KATNAL1: variants seen among roughly 807,000 people sequenced by gnomAD.
The protein encoded by KATNAL1 is katanin catalytic subunit A1 like 1.
KATNAL1 carries 32 observed loss-of-function variants against 55.2 expected under a neutral mutation model. The ratio of observed to expected loss-of-function variants is 0.58; its 90% CI spans 0.44 to 0.78. KATNAL1 has a LOEUF of 0.78. KATNAL1 is among the 30% of genes least tolerant of loss of function. The probability of loss-of-function intolerance (pLI) is 0.00; values close to 1 mark genes in which losing one functional copy is unlikely to be tolerated. For synonymous variants in KATNAL1, 193 were observed against 193.6 expected (o/e 1.00, Z 0.02); for missense variants, 466 against 600.9 (o/e 0.78, Z 2.35).
At chr13:30,241,401 C>T (rs527359707) in intron 4 of KATNAL1, among the ~76,000 whole-genome samples, 1 of 152,254 alleles carries the variant, frequency 6.6e-6, no homozygotes, top group African/African-American at 2.4e-5. Flanking sequence ...AGAGGATTTC[C>T]ACCACTACTA....
Position 30,307,373 on chromosome 13 carries a change from A to G in KATNAL1, c.-57T>C. ...GGGCACATTCAGCGATGCGGTCCAG[A>G]TGGGGTGCGGGTGGGGCGCAGGCCG... On this transcript the variant is annotated 5_prime_UTR_variant, in exon 1 of 11. Coordinates refer to ENST00000380615, the MANE Select transcript of KATNAL1 (RefSeq NM_032116.5). 1 of 155,092 alleles carries G rather than the reference A, an allele frequency of 6.4e-6. No homozygotes were observed. Among genetic ancestry groups the G allele is most frequent in the Non-Finnish European group, 1.4e-5 (1 of 70,144 alleles). The allele number at this position is 155,092 out of a possible 1,614,324, so 9.6% of individuals were successfully genotyped here. A position where few individuals can be genotyped will look rare whatever the true frequency, so the allele number is the denominator to read the frequency against.
intron 3 of KATNAL1, 61 bp from the exon 4 acceptor site, chr13:30,255,676 A>C: frequency 7.7e-7 from 1 of 1,300,318 alleles, no homozygotes; most frequent in Non-Finnish European, 9.8e-7. Context: ...AGGCAAAAGT[A>C]TGTCAATACT....
intron 1 of KATNAL1, among the ~76,000 whole-genome samples, chr13:30,295,615 A>C (rs1194684909): frequency 6.6e-6 from 1 of 151,980 alleles, no homozygotes; most frequent in African/African-American, 2.4e-5. Context: ...AATTAAAAAA[A>C]AAACTTGAAT....
At chr13:30,269,918 G>A (rs1482036971) in intron 3 of KATNAL1, among the ~76,000 whole-genome samples, 12 of 149,364 alleles carry the variant, frequency 8.0e-5, no homozygotes, top group African/African-American at 2.7e-4. Context: ...CCCCCTGCCC[G>A]GCCAGCCGCC....
At chr13:30,274,907 G>GCGCGCGCGCGCGCGCGCA (rs869107567) in intron 3 of KATNAL1, among the ~76,000 whole-genome samples, 3 of 105,390 alleles carry the variant, frequency 2.8e-5, no homozygotes, top group East Asian at 2.7e-4. Context: ...GCGCGCGCGC[G>GCGCGCGCGCGCGCGCGCA]CACACACACA....
intron 3 of KATNAL1, among the ~76,000 whole-genome samples, chr13:30,274,864 T>C (rs1201684532): frequency 6.7e-6 from 1 of 150,152 alleles, no homozygotes; most frequent in Admixed American, 6.7e-5. Context: ...TGCATATATG[T>C]TGGGGGCGGG....
At chr13:30,255,796 A>G (rs528230389) in intron 3 of KATNAL1, among the ~76,000 whole-genome samples, 181 bp from the exon 4 acceptor site, 1 of 152,108 alleles carries the variant, frequency 6.6e-6, no homozygotes, top group Non-Finnish European at 1.5e-5. Flanking sequence ...TCTTTTTTCT[A>G]AAATATACTG....
At chr13:30,277,154 T>C (rs1021175236) in intron 3 of KATNAL1, among the ~76,000 whole-genome samples, 50 of 152,344 alleles carry the variant, frequency 3.3e-4, no homozygotes, top group African/African-American at 1.2e-3. Context: ...TAAGGAATTA[T>C]GAAGAATCTG....
chr13:30,275,828 T>C (rs1487721775), intron 3 of KATNAL1, among the ~76,000 whole-genome samples: 2 of 152,114 alleles, frequency 1.3e-5, no homozygotes, highest in Non-Finnish European at 2.9e-5. Flanking sequence ...ACCTTAAATA[T>C]ATACAATTTT....
chr13:30,278,639 A>G (rs1881044175), intron 3 of KATNAL1, among the ~76,000 whole-genome samples: 1 of 152,244 alleles, frequency 6.6e-6, no homozygotes. Flanking sequence ...CAGAGCAGAT[A>G]GTCCTATATT....
At chr13:30,289,649 C>G (rs1473720805) in intron 1 of KATNAL1, among the ~76,000 whole-genome samples, 3 of 152,122 alleles carry the variant, frequency 2.0e-5, no homozygotes, top group Admixed American at 2.0e-4. Flanking sequence ...AATGCCTTGT[C>G]ATAACTCAAT....
chr13:30,231,819 C>T (rs1876129926), intron 6 of KATNAL1, among the ~76,000 whole-genome samples: 1 of 152,094 alleles, frequency 6.6e-6, no homozygotes, highest in Non-Finnish European at 1.5e-5. Context: ...TCTGTTTACA[C>T]ATAATAAAAA....
intron 3 of KATNAL1, among the ~76,000 whole-genome samples, chr13:30,279,318 C>T (rs1452927045): frequency 6.6e-6 from 1 of 152,150 alleles, no homozygotes; most frequent in Non-Finnish European, 1.5e-5. Context: ...GGTCCTTGTC[C>T]TTGCAAATCT....
At chr13:30,246,326 A>G (rs1477782223) in intron 4 of KATNAL1, among the ~76,000 whole-genome samples, 1 of 152,240 alleles carries the variant, frequency 6.6e-6, no homozygotes, top group Admixed American at 6.5e-5. Flanking sequence ...GGTGTTGGGA[A>G]AATTGGCTAG....
intron 3 of KATNAL1, among the ~76,000 whole-genome samples, chr13:30,265,820 G>C (rs1423075686): frequency 6.6e-6 from 1 of 151,064 alleles, no homozygotes; most frequent in Non-Finnish European, 1.5e-5. Flanking sequence ...AGACCAGCCT[G>C]CCCAACATGG....
At chr13:30,243,580 C>A (rs895359214) in intron 4 of KATNAL1, among the ~76,000 whole-genome samples, 1 of 108,066 alleles carries the variant, frequency 9.3e-6, no homozygotes, top group Non-Finnish European at 1.8e-5. Flanking sequence ...TGGGGCAATA[C>A]AACCAACAGG....
chr13:30,210,173 A>C (rs112866549), intron 10 of KATNAL1, 143 bp downstream of exon 10: 98 of 517,972 alleles, frequency 1.9e-4, no homozygotes, highest in Non-Finnish European at 1.8e-4. Flanking sequence ...GTAAAAAAAA[A>C]GGGACAAATG....
intron 3 of KATNAL1, among the ~76,000 whole-genome samples, chr13:30,257,515 C>T (rs1192016790): frequency 6.6e-6 from 1 of 152,208 alleles, no homozygotes; most frequent in African/African-American, 2.4e-5. Flanking sequence ...TGTGACCTCA[C>T]TGCTCAGGGT....
chr13:30,283,178 A>C (rs1418695684), intron 2 of KATNAL1, among the ~76,000 whole-genome samples: 3 of 146,456 alleles, frequency 2.0e-5, no homozygotes, highest in African/African-American at 7.7e-5. Flanking sequence ...TGAGGAGGAG[A>C]ACTGCTTGAA....
Sources: allele counts gnomAD v4.1 joint callset (sites outside exome capture counted in the v4.1 genomes callset), GRCh38; gene constraint gnomAD v4.1.1; transcripts MANE v1.5; gene names NCBI Gene and HGNC (gene_info 2026-07-23, HGNC 2026-07-21).